Variants in KLRG1 observed in about 807,000 individuals in gnomAD.
KLRG1 encodes the protein killer cell lectin-like receptor subfamily G member 1.
In KLRG1, 16 loss-of-function variants were observed where a neutral mutation model predicts 21.8. The ratio of observed to expected loss-of-function variants is 0.73; its 90% CI spans 0.50 to 1.11. The LOEUF is 1.11. Among genes scored for constraint, KLRG1 ranks in the 50% most tolerant of loss-of-function variants. KLRG1 has a pLI of 0.00. For missense variants in KLRG1, 173 were observed against 218.3 expected, an observed-to-expected ratio of 0.79 and a Z score of 1.31; for synonymous variants, 69 against 75.9, an observed-to-expected ratio of 0.91 and a Z score of 0.47.
chr12:9,107,759 T>C, the KLRG1 span: 1 of 1,238,458 alleles, frequency 8.1e-7, no homozygotes, highest in Non-Finnish European at 1.1e-6. Flanking sequence ...TTCCCTCTGC[T>C]CTCTGCTGGG....
the KLRG1 span, among the ~76,000 whole-genome samples, chr12:9,033,934 G>C: frequency 6.6e-6 from 1 of 152,198 alleles, no homozygotes; most frequent in Non-Finnish European, 1.5e-5. Context: ...GAAGTTGAGA[G>C]CTAAGGTAAA....
chr12:9,017,193 G>T, the KLRG1 span, among the ~76,000 whole-genome samples: 1 of 149,160 alleles, frequency 6.7e-6, no homozygotes, highest in Non-Finnish European at 1.5e-5. Flanking sequence ...GAACCTGGGA[G>T]GTGGAGGTTG....
the KLRG1 span, chr12:9,169,517 T>C: frequency 1.2e-6 from 2 of 1,613,130 alleles, no homozygotes; most frequent in South Asian, 2.2e-5. Flanking sequence ...GGGGACAGTG[T>C]CCTTGTTCTT....
Position 9,000,796 on chromosome 12 carries a change from C to G in KLRG1, c.357+5508C>G, listed in dbSNP as rs1041323173. Among the ~76,000 whole-genome samples the G allele has an allele frequency of 7.2e-5, 11 of 152,210 alleles. No homozygotes were observed. The South Asian group carries it at 8.3e-4, about 11-fold the overall frequency. On this transcript the variant is annotated intron_variant, in intron 3 of 4. Coordinates refer to ENST00000356986, the MANE Select transcript of KLRG1 (RefSeq NM_005810.4). ...TACCTGGGATGCTTCAACCTTTTGA[C>G]TGTTGAGAGTAAGGCTGCTGTGAAT...
At chr12:9,094,620 A>G in the KLRG1 span, among the ~76,000 whole-genome samples, 8 of 152,054 alleles carry the variant, frequency 5.3e-5, no homozygotes, top group African/African-American at 1.2e-4. Context: ...GAAGTAGCTC[A>G]TGTCATTGAT....
At chr12:9,208,998 T>A in the KLRG1 span, among the ~76,000 whole-genome samples, 1 of 152,210 alleles carries the variant, frequency 6.6e-6, no homozygotes, top group Non-Finnish European at 1.5e-5. Context: ...TCCTTGTTAC[T>A]GTCTGAGCAC....
chr12:8,995,986 A>G (rs948478525), intron 3 of KLRG1, among the ~76,000 whole-genome samples: 14 of 152,252 alleles, frequency 9.2e-5, no homozygotes, highest in Admixed American at 6.5e-4. Context: ...CAGTCCTTAT[A>G]TAGTGGAACT....
the KLRG1 span, among the ~76,000 whole-genome samples, chr12:9,055,196 TATTA>T: frequency 6.6e-6 from 1 of 152,216 alleles, no homozygotes; most frequent in African/African-American, 2.4e-5. Context: ...AAACATAACT[TATTA>T]ATTAATTGAT....
the KLRG1 span, chr12:9,109,478 G>A: frequency 1.8e-6 from 2 of 1,136,324 alleles, no homozygotes; most frequent in Non-Finnish European, 2.6e-6. Context: ...CAGGTTCCCT[G>A]TAACAGTTCC....
At chr12:9,197,690 ATATATAATTATATAT>A in the KLRG1 span, among the ~76,000 whole-genome samples, 1 of 92,232 alleles carries the variant, frequency 1.1e-5, no homozygotes, top group East Asian at 2.7e-4. Flanking sequence ...AATACATAAT[ATATATAATTATATAT>A]TATACAATAC....
chr12:9,059,996 C>CT, the KLRG1 span, among the ~76,000 whole-genome samples: 17,579 of 75,394 alleles, frequency 0.23, 4,622 homozygotes, highest in Non-Finnish European at 0.28. Flanking sequence ...GCCCTGGCAT[C>CT]TTTTTTTTTT....
At chr12:9,194,678 A>C in the KLRG1 span, among the ~76,000 whole-genome samples, 2 of 151,872 alleles carry the variant, frequency 1.3e-5, no homozygotes, top group Non-Finnish European at 2.9e-5. Context: ...GTTAGCCAGG[A>C]TGGTCTCGAT....
the KLRG1 span, among the ~76,000 whole-genome samples, chr12:9,200,143 T>TG: frequency 6.6e-6 from 1 of 152,320 alleles, no homozygotes; most frequent in Non-Finnish European, 1.5e-5. Context: ...AAATATATGA[T>TG]GAAACAATAC....
chr12:9,047,646 A>T, the KLRG1 span, among the ~76,000 whole-genome samples: 1 of 152,224 alleles, frequency 6.6e-6, no homozygotes, highest in African/African-American at 2.4e-5. Context: ...ACTCAATTAT[A>T]TGTAGTCTAC....
chr12:9,175,143 CAG>C, the KLRG1 span, among the ~76,000 whole-genome samples: 10 of 152,238 alleles, frequency 6.6e-5, no homozygotes, highest in Admixed American at 6.5e-4. Flanking sequence ...ATAGAGAACT[CAG>C]AGATAAAACC....
At chr12:8,970,143 A>C (rs1565538611) in intron 1 of KLRG1, among the ~76,000 whole-genome samples, 2 of 152,216 alleles carry the variant, frequency 1.3e-5, no homozygotes, top group Non-Finnish European at 2.9e-5. Context: ...AAAGCAAAAC[A>C]ACCACGATAA....
chr12:8,958,935 C>A (rs1023837100), intron 1 of KLRG1, among the ~76,000 whole-genome samples: 1 of 151,892 alleles, frequency 6.6e-6, no homozygotes. Context: ...AAATTGACAT[C>A]TTAATGTTGA....
At chr12:9,145,283 G>T in the KLRG1 span, among the ~76,000 whole-genome samples, 1 of 151,724 alleles carries the variant, frequency 6.6e-6, no homozygotes, top group Non-Finnish European at 1.5e-5. Flanking sequence ...GTGTTTTATT[G>T]TTTTTTTGTG....
At chr12:9,193,735 T>A in the KLRG1 span, among the ~76,000 whole-genome samples, 1 of 152,158 alleles carries the variant, frequency 6.6e-6, no homozygotes, top group South Asian at 2.1e-4. Context: ...GTGTGTGTGA[T>A]CACTTTACAA....
Sources: allele counts gnomAD v4.1 joint callset (sites outside exome capture counted in the v4.1 genomes callset), GRCh38; gene constraint gnomAD v4.1.1; transcripts MANE v1.5; gene names NCBI Gene and HGNC (gene_info 2026-07-23, HGNC 2026-07-21).